DCLK1: variants seen among roughly 807,000 people sequenced by gnomAD.
DCLK1 encodes doublecortin like kinase 1.
In DCLK1, 16 loss-of-function variants were observed where a neutral mutation model predicts 86.2. The observed-to-expected ratio is 0.19, with a 90% CI of 0.13 to 0.28. The LOEUF is 0.28. Ranked by LOEUF, DCLK1 falls within the 10% of genes least tolerant of loss-of-function variation. DCLK1 has a pLI of 1.00. For missense variants in DCLK1, 590 were observed against 940.2 expected, an observed-to-expected ratio of 0.63 and a Z score of 4.87; for synonymous variants, 369 against 370.5, an observed-to-expected ratio of 1.00 and a Z score of 0.05.
chr13:35,789,999 C>T (rs922086722), intron 16 of DCLK1, among the ~76,000 whole-genome samples: 1 of 152,144 alleles, frequency 6.6e-6, no homozygotes, highest in Non-Finnish European at 1.5e-5. Flanking sequence ...TCCACCTAAT[C>T]CCATGGCTTG....
intron 11 of DCLK1, among the ~76,000 whole-genome samples, chr13:35,818,884 T>A (rs963445944): frequency 1.3e-5 from 2 of 151,890 alleles, no homozygotes; most frequent in Non-Finnish European, 2.9e-5. Flanking sequence ...CATACACGCA[T>A]ACATACACAG....
At chr13:35,851,522 A>G in intron 6 of DCLK1, among the ~76,000 whole-genome samples, 1 of 152,050 alleles carries the variant, frequency 6.6e-6, no homozygotes, top group East Asian at 1.9e-4. Flanking sequence ...ATAATCTACA[A>G]AAGTCAGTGA....
At chr13:35,921,545 C>T (rs1405089257) in intron 4 of DCLK1, among the ~76,000 whole-genome samples, 1 of 152,154 alleles carries the variant, frequency 6.6e-6, no homozygotes. Flanking sequence ...TTTCATAGTA[C>T]ACATCATTCC....
Position 35,940,114 on chromosome 13 carries a change from G to A in DCLK1, c.823+7244C>T, listed in dbSNP as rs554425036. Among the ~76,000 whole-genome samples, 28 of 152,146 alleles carry A rather than the reference G, an allele frequency of 1.8e-4. No homozygotes were observed. The East Asian group carries it at 3.5e-3, about 19-fold the overall frequency. On this transcript the variant is annotated intron_variant, in intron 4 of 16. Transcript: ENST00000360631. Reference sequence around the variant, plus strand: ...CATGTGCCTGTAGTCCCAGCTACTCGGGAGGATGAGGCAGGAGAATCGCTT... The same window carrying A: ...CATGTGCCTGTAGTCCCAGCTACTCAGGAGGATGAGGCAGGAGAATCGCTT...
intron 3 of DCLK1, among the ~76,000 whole-genome samples, chr13:35,972,237 A>G (rs1879100516): frequency 6.6e-6 from 1 of 151,870 alleles, no homozygotes; most frequent in Non-Finnish European, 1.5e-5. Flanking sequence ...TTCCTCATGT[A>G]GATTCTTAAT....
rs537713969 is a variant in DCLK1 at position 35,928,755 on chromosome 13, A to C, written c.823+18603T>G. Among the ~76,000 whole-genome samples the C allele has an allele frequency of 3.3e-5, 5 of 152,312 alleles. No homozygotes were observed. In the East Asian group the frequency reaches 9.7e-4, roughly 29 times the overall value. The stretch of plus-strand genomic sequence containing the variant: ...TGAATCTTGCCAAATCTATACCTCT[A>C]TGCATGTATACACATATAAGATCAG... On this transcript the variant is annotated intron_variant, in intron 4 of 16. Transcript: ENST00000360631.
At chr13:36,100,170 CT>C (rs1355086970) in intron 3 of DCLK1, among the ~76,000 whole-genome samples, 2 of 107,696 alleles carry the variant, frequency 1.9e-5, no homozygotes, top group African/African-American at 7.2e-5. Flanking sequence ...GGGCAAAACC[CT>C]GTCTCTACAA....
intron 3 of DCLK1, among the ~76,000 whole-genome samples, chr13:36,076,496 C>T (rs9531409): frequency 0.061 from 9,341 of 152,188 alleles, 475 homozygotes; most frequent in African/African-American, 0.14. Flanking sequence ...TTGAGTTCTC[C>T]TTCCATCTCT....
intron 4 of DCLK1, among the ~76,000 whole-genome samples, chr13:35,895,676 C>T (rs549234338): frequency 6.6e-6 from 1 of 151,772 alleles, no homozygotes; most frequent in Admixed American, 6.6e-5. Flanking sequence ...AAATAAAGCA[C>T]CTATTTTATA....
At chr13:35,951,303 ATG>A (rs2153134305) in intron 3 of DCLK1, among the ~76,000 whole-genome samples, 1 of 151,392 alleles carries the variant, frequency 6.6e-6, no homozygotes, top group East Asian at 2.0e-4. Flanking sequence ...GGATGGATGG[ATG>A]GATGGATGGA....
At chr13:35,904,886 G>A (rs1245603964) in intron 4 of DCLK1, among the ~76,000 whole-genome samples, 1 of 152,150 alleles carries the variant, frequency 6.6e-6, no homozygotes, top group Non-Finnish European at 1.5e-5. Flanking sequence ...CCTTTTCTAA[G>A]GTACCCTCTT....
Position 35,846,626 on chromosome 13 carries a change from C to T in DCLK1, c.1036-7450G>A, listed in dbSNP as rs544859497. On this transcript the variant is annotated intron_variant, in intron 6 of 16. Transcript: ENST00000360631. ...AAATATTTTTCAACTGACAGTACAA[C>T]ACGCTATATCAGGCAATTGGTATAT... 35 of 985,326 alleles carry T rather than the reference C, an allele frequency of 3.6e-5. No homozygotes were observed. In the South Asian group the frequency reaches 9.9e-4, roughly 28 times the overall value. The allele number at this position is 985,326 out of a possible 1,614,324, so 61.0% of individuals were successfully genotyped here.
intron 3 of DCLK1, among the ~76,000 whole-genome samples, chr13:36,013,308 G>A (rs1364917920): frequency 7.3e-5 from 11 of 150,850 alleles, no homozygotes; most frequent in Non-Finnish European, 1.3e-4. Flanking sequence ...GGCGCTCTGC[G>A]TTTTAGAGTT....
At chr13:35,932,376 T>C (rs957546412) in intron 4 of DCLK1, among the ~76,000 whole-genome samples, 5 of 152,154 alleles carry the variant, frequency 3.3e-5, no homozygotes, top group African/African-American at 9.7e-5. Flanking sequence ...GCCTCCATAA[T>C]AACACAAGCC....
rs191559483 is a variant in DCLK1 at position 35,941,189 on chromosome 13, T to C, written c.823+6169A>G. ...TAGGTTGGTGCAAAAGTAATCACTT[T>C]TTTTTGCCATTACTTTTAATGGCAG... On this transcript the variant is annotated intron_variant, in intron 4 of 16. Transcript: ENST00000360631. Among the ~76,000 whole-genome samples, 907 of 152,250 alleles carry C rather than the reference T, an allele frequency of 6.0e-3. 8 individuals are homozygous for C. The highest frequency in any genetic ancestry group is 5.7e-3 in the Non-Finnish European group (389 of 68,030).
intron 11 of DCLK1, among the ~76,000 whole-genome samples, chr13:35,819,447 C>CTG (rs1285172875): frequency 6.6e-6 from 1 of 152,132 alleles, no homozygotes; most frequent in Non-Finnish European, 1.5e-5. Flanking sequence ...CACAATTATA[C>CTG]TGTGTACAAT....
intron 5 of DCLK1, among the ~76,000 whole-genome samples, chr13:35,867,981 C>A (rs567168822): frequency 2.0e-5 from 2 of 100,792 alleles, no homozygotes; most frequent in South Asian, 6.6e-4. Context: ...AAGAAAGACC[C>A]TAAACCCTGG....
rs950108110 is a variant in DCLK1, at chr13:35,810,964, T to C, written c.1559A>G (p.Tyr520Cys). The part of the protein sequence containing the change: ...RDIKPENLLV[Y>C]EHQDGSKSLK... ...TGATTTGCTGCCATCTTGGTGCTCA[T>C]ACACCTAAAACAAAGGTAAAAATCA... The change falls in exon 12 of 17, where the codon TAT (tyrosine) becomes TGT (cysteine). Residue 520 changes from tyrosine to cysteine, a missense_variant. Tyr to Cys is a radical substitution (Grantham distance 194). Around this residue, in one of 6 missense-constraint regions of DCLK1, gnomAD observed 108 missense variants for 195.7 expected, o/e 0.55. Transcript: ENST00000360631. The C allele has an allele frequency of 6.2e-7, 1 of 1,613,940 alleles. No homozygotes were observed. The highest frequency in any genetic ancestry group is 8.5e-7 in the Non-Finnish European group (1 of 1,179,922).
At chr13:35,899,691 T>C (rs79345325) in intron 4 of DCLK1, among the ~76,000 whole-genome samples, 2 of 152,340 alleles carry the variant, frequency 1.3e-5, no homozygotes, top group East Asian at 3.9e-4. Context: ...TCTATCTTCA[T>C]AATTTATCAC....
Sources: gnomAD v4.1 joint callset for allele counts (sites outside exome capture counted in the v4.1 genomes callset) on GRCh38, gnomAD v4.1.1 for gene constraint, gnomAD v4.1.1 regional missense constraint, MANE v1.5 for transcripts, NCBI Gene and HGNC (gene_info 2026-07-23, HGNC 2026-07-21) for gene names.